The following ADCY8 variants were observed in gnomAD, a reference collection of about 807,000 sequenced individuals.
ADCY8 encodes the protein adenylate cyclase 8, also known as adenylate cyclase type 8.
Under a neutral mutation model 119.7 loss-of-function variants are expected in ADCY8, and 51 were observed. The ratio of observed to expected loss-of-function variants is 0.43; its 90% confidence interval spans 0.34 to 0.54. The LOEUF (loss-of-function observed/expected upper bound fraction) is 0.54. Ranked by LOEUF, ADCY8 falls within the 20% of genes least tolerant of loss-of-function variation. The pLI is 0.03. For synonymous variants in ADCY8, 665 were observed against 651.0 expected, an observed-to-expected ratio of 1.02 and a Z score of -0.33; for missense variants, 1,383 against 1,598.8, an observed-to-expected ratio of 0.87 and a Z score of 2.30.
At chr8:131,015,051 T>C (rs562941209) in intron 1 of ADCY8, among the ~76,000 whole-genome samples, 3 of 152,188 alleles carry the variant, frequency 2.0e-5, no homozygotes, top group Non-Finnish European at 4.4e-5. Context: ...CCAGGGCACA[T>C]GCTATTGGGT....
chr8:130,966,237 A>G (rs1007094936), intron 2 of ADCY8, among the ~76,000 whole-genome samples: 1 of 152,122 alleles, frequency 6.6e-6, no homozygotes, highest in Non-Finnish European at 1.5e-5. Flanking sequence ...CTTCTCAGCC[A>G]CTAAGACCTC....
intron 11 of ADCY8, 26 bp downstream of exon 11, chr8:130,847,398 A>G: frequency 6.4e-7 from 1 of 1,552,954 alleles, no homozygotes; most frequent in Non-Finnish European, 8.9e-7. Flanking sequence ...TCCAACTCTC[A>G]CCAAGGGGAG....
In ADCY8 at chr8:130,934,780, A is replaced by T. The variant is rs139346613; in HGVS notation, c.1481+2293T>A. ...GTACTTCCGCATCTCTACAGAAGAC[A>T]GGGAGATAGTAGAGAGGACATCTTG... On this transcript the variant is annotated intron_variant, in intron 5 of 17. Coordinates refer to ENST00000286355, the MANE Select transcript of ADCY8 (RefSeq NM_001115.3). Among the ~76,000 whole-genome samples, 16 of 152,318 alleles carry T rather than the reference A, an allele frequency of 1.1e-4. No homozygotes were observed. In the East Asian group the frequency reaches 1.5e-3, roughly 15 times the overall value.
Position 130,814,185 on chromosome 8 carries a change from C to T in ADCY8, c.2797G>A (p.Ala933Thr), listed in dbSNP as rs1202898971. The change falls in exon 14 of 18, where the codon GCC (alanine) becomes ACC (threonine). Residue 933 changes from alanine (A) to threonine (T), a missense_variant. Around this residue, in one of 2 missense-constraint regions of ADCY8, gnomAD observed 928 missense variants for 1,163.5 expected, o/e 0.80. Coordinates refer to ENST00000286355, the MANE Select transcript of ADCY8 (RefSeq NM_001115.3). Reference protein sequence around the residue: ...ARLDFLWRVQAKEEINEMKEL... With the variant: ...ARLDFLWRVQTKEEINEMKEL... The stretch of plus-strand genomic sequence containing the variant: ...TTCATCTCATTGATCTCCTCTTTGG[C>T]CTGTACTCGCCAAAGGAAGTCCAGG... 2 of 1,614,126 alleles carry T rather than the reference C, an allele frequency of 1.2e-6. No individual in the cohort carries two copies. The highest frequency in any genetic ancestry group is 1.7e-5 in the Admixed American group (1 of 60,032).
chr8:130,983,508 AAGAAATCCAAGGC>A (rs375337419), intron 2 of ADCY8, among the ~76,000 whole-genome samples: 205 of 152,298 alleles, frequency 1.3e-3, no homozygotes, highest in Non-Finnish European at 2.6e-3. Context: ...AACGACCAGC[AAGAAATCCAAGGC>A]ATAGACGTGC....
intron 1 of ADCY8, among the ~76,000 whole-genome samples, chr8:131,011,724 G>A (rs1231676398): frequency 1.3e-5 from 2 of 152,110 alleles, no homozygotes; most frequent in Non-Finnish European, 2.9e-5. Flanking sequence ...CGGACAAAGG[G>A]ACCTCCCTTA....
At chr8:130,891,685 A>G (rs1391093514) in intron 7 of ADCY8, among the ~76,000 whole-genome samples, 1 of 152,116 alleles carries the variant, frequency 6.6e-6, no homozygotes, top group Non-Finnish European at 1.5e-5. Flanking sequence ...GAATGGGGAG[A>G]TATGAGATGA....
intron 3 of ADCY8, among the ~76,000 whole-genome samples, chr8:130,947,779 G>T (rs978351296): frequency 6.6e-6 from 1 of 152,208 alleles, no homozygotes; most frequent in Non-Finnish European, 1.5e-5. Flanking sequence ...CAGCAAATGT[G>T]CAAATGTACA....
intron 2 of ADCY8, among the ~76,000 whole-genome samples, chr8:130,968,276 T>C (rs765510726): frequency 3.3e-5 from 5 of 151,992 alleles, no homozygotes; most frequent in Admixed American, 1.3e-4. Context: ...TTCACGCCAT[T>C]CTCCTGACTC....
At chr8:131,004,440 T>C (rs1411180) in intron 1 of ADCY8, among the ~76,000 whole-genome samples, 84,370 of 152,002 alleles carry the variant, frequency 0.56, 24,254 homozygotes, top group East Asian at 0.78. Flanking sequence ...ATCATCTATT[T>C]AATTCATGGA....
In ADCY8 at chr8:130,821,365, C is replaced by T; in HGVS notation, c.2731G>A (p.Ala911Thr). 6.2e-7 allele frequency: 1 copy of T among 1,613,310 alleles called. No homozygotes were observed. Among genetic ancestry groups the T allele is most frequent in the Non-Finnish European group, 8.5e-7 (1 of 1,179,456 alleles). Reference protein sequence around the residue: ...SLLLMAMFLLAVFYHGQQLEY... With the variant: ...SLLLMAMFLLTVFYHGQQLEY... ...ACCTGCTGTCCATGGTAGAACACAG[C>T]CAGGAGGAACATGGCCATCAGTAGC... The change falls in exon 13 of 18, where the codon GCT (alanine) becomes ACT (threonine). Residue 911 changes from alanine to threonine, a missense_variant. Transcript: ENST00000286355.
Position 130,994,174 on chromosome 8 carries a change from T to C in ADCY8, c.961-3632A>G, listed in dbSNP as rs570640514. On this transcript the variant is annotated intron_variant, in intron 1 of 17. Coordinates refer to ENST00000286355, the MANE Select transcript of ADCY8 (RefSeq NM_001115.3). ...TGGCTATTGTTTCTGCCGTTAATAG[T>C]TGGTCCTCTTCAGTTAGGACATGGA... Among the ~76,000 whole-genome samples the C allele has an allele frequency of 1.7e-4, 26 of 152,362 alleles. No individual in the cohort carries two copies. In the South Asian group the frequency reaches 4.8e-3, roughly 28 times the overall value.
chr8:131,020,315 G>A (rs1823624607), intron 1 of ADCY8, among the ~76,000 whole-genome samples: 1 of 152,180 alleles, frequency 6.6e-6, no homozygotes, highest in South Asian at 2.1e-4. Flanking sequence ...TGATTCAGGT[G>A]AGGACCAGTA....
At chr8:130,865,437 A>G (rs1355173002) in intron 9 of ADCY8, among the ~76,000 whole-genome samples, 1 of 152,054 alleles carries the variant, frequency 6.6e-6, no homozygotes, top group African/African-American at 2.4e-5. Context: ...GAACAACATT[A>G]AGTGCTTCAG....
At chr8:130,930,626 T>C (rs1820605029) in intron 5 of ADCY8, among the ~76,000 whole-genome samples, 1 of 152,124 alleles carries the variant, frequency 6.6e-6, no homozygotes, top group Non-Finnish European at 1.5e-5. Flanking sequence ...AAACATCTCA[T>C]ATTCATAACA....
chr8:130,911,678 A>G (rs1018823001), intron 5 of ADCY8, among the ~76,000 whole-genome samples: 30 of 151,032 alleles, frequency 2.0e-4, no homozygotes, highest in Non-Finnish European at 3.7e-4. Context: ...AATACTTTAA[A>G]GTATTTTTAT....
intron 9 of ADCY8, among the ~76,000 whole-genome samples, chr8:130,852,105 G>A (rs72712477): frequency 6.6e-6 from 1 of 152,174 alleles, no homozygotes. Flanking sequence ...ATAAGCAGGA[G>A]AGCAGGAGTG....
At chr8:131,004,794 G>T (rs535760555) in intron 1 of ADCY8, among the ~76,000 whole-genome samples, 1 of 152,294 alleles carries the variant, frequency 6.6e-6, no homozygotes, top group South Asian at 2.1e-4. Context: ...TGTGAGCCAG[G>T]CAGCCTTCTC....
intron 1 of ADCY8, among the ~76,000 whole-genome samples, chr8:131,020,142 A>C (rs1309049569): frequency 6.6e-6 from 1 of 152,162 alleles, no homozygotes; most frequent in East Asian, 1.9e-4. Flanking sequence ...GTCAGATCTA[A>C]GAGGTAGATC....
Sources: allele counts gnomAD v4.1 joint callset (sites outside exome capture counted in the v4.1 genomes callset), GRCh38; gene constraint gnomAD v4.1.1; regional missense constraint gnomAD v4.1.1; transcripts MANE v1.5; gene names NCBI Gene and HGNC (gene_info 2026-07-23, HGNC 2026-07-21).